Variants in TOM1L2 observed in about 807,000 individuals in gnomAD.
TOM1L2 encodes the protein TOM1-like protein 2.
Under a neutral mutation model 67.9 loss-of-function variants are expected in TOM1L2, and 31 were observed. That is an observed-to-expected ratio of 0.46 (90% confidence interval 0.34 to 0.62). TOM1L2 has a LOEUF of 0.62. Ranked by LOEUF, TOM1L2 falls within the 20% of genes least tolerant of loss-of-function variation. The pLI is 0.01. For missense variants in TOM1L2, 606 were observed against 663.5 expected (o/e 0.91, Z 0.95); for synonymous variants, 256 against 254.0 (o/e 1.01, Z -0.07).
intron 1 of TOM1L2, among the ~76,000 whole-genome samples, chr17:17,935,456 G>C (rs1460064754): frequency 6.6e-6 from 1 of 152,178 alleles, no homozygotes; most frequent in Non-Finnish European, 1.5e-5. Context: ...GCAGAAAAGT[G>C]ACCTTCTCCA....
At chr17:17,955,647 G>A (rs1287520488) in intron 1 of TOM1L2, among the ~76,000 whole-genome samples, 1 of 152,096 alleles carries the variant, frequency 6.6e-6, no homozygotes, top group Non-Finnish European at 1.5e-5. Flanking sequence ...CCTCTTCTTT[G>A]TTGTTTTTTA....
intron 1 of TOM1L2, among the ~76,000 whole-genome samples, chr17:17,939,595 A>G (rs1160897415): frequency 6.6e-6 from 1 of 152,200 alleles, no homozygotes; most frequent in Non-Finnish European, 1.5e-5. Flanking sequence ...GACAAAATCT[A>G]ATAGGTCATG....
At chr17:17,856,779 C>A (rs958232551) in intron 12 of TOM1L2, among the ~76,000 whole-genome samples, 6 of 152,326 alleles carry the variant, frequency 3.9e-5, no homozygotes, top group African/African-American at 1.4e-4. Context: ...AGACATACAG[C>A]CTGAGATGAG....
At chr17:17,916,897 C>T (rs1425339929) in intron 1 of TOM1L2, among the ~76,000 whole-genome samples, 1 of 152,190 alleles carries the variant, frequency 6.6e-6, no homozygotes, top group Non-Finnish European at 1.5e-5. Context: ...GTGGCTCACA[C>T]CTGTAATCCC....
chr17:17,961,735 G>A (rs1426295331), intron 1 of TOM1L2, among the ~76,000 whole-genome samples: 1 of 152,070 alleles, frequency 6.6e-6, no homozygotes, highest in African/African-American at 2.4e-5. Flanking sequence ...AGCCGGGCGT[G>A]GTGGCAGGCG....
At chr17:17,948,790 G>A (rs7214002) in intron 1 of TOM1L2, among the ~76,000 whole-genome samples, 28 of 151,772 alleles carry the variant, frequency 1.8e-4, no homozygotes, top group Non-Finnish European at 5.9e-5. Flanking sequence ...GCAAGGCAGG[G>A]GTCCTAGGAA....
At chr17:17,865,012 C>CAGA (rs950636397) in intron 10 of TOM1L2, among the ~76,000 whole-genome samples, 9 of 152,066 alleles carry the variant, frequency 5.9e-5, no homozygotes, top group African/African-American at 1.7e-4. Flanking sequence ...AAAAGCAAGA[C>CAGA]AGAGGAAAGA....
In TOM1L2 at chr17:17,844,446, G is replaced by T. The variant is rs1043832409; in HGVS notation, c.*3189C>A. The T allele has an allele frequency of 6.6e-6, 1 of 152,320 alleles. No individual in the cohort carries two copies. Among genetic ancestry groups the T allele is most frequent in the Non-Finnish European group, 1.5e-5 (1 of 68,090 alleles). The allele number at this position is 152,320 out of a possible 1,614,324, so 9.4% of individuals were successfully genotyped here. ...CAGGTGGCATGGTGGGGTGGTGGGG[G>T]AAGGCTAGTGAACCAAGGCACCATC... On this transcript the variant is annotated 3_prime_UTR_variant, in exon 15 of 15. Transcript: ENST00000379504.
intron 1 of TOM1L2, among the ~76,000 whole-genome samples, chr17:17,955,306 A>G (rs1350375202): frequency 2.2e-5 from 3 of 138,192 alleles, no homozygotes; most frequent in Non-Finnish European, 1.5e-5. Flanking sequence ...GAACGGCAGG[A>G]CCCCAGACCA....
At chr17:17,911,204 G>A (rs1394232910) in intron 1 of TOM1L2, among the ~76,000 whole-genome samples, 3 of 152,176 alleles carry the variant, frequency 2.0e-5, no homozygotes, top group Non-Finnish European at 2.9e-5. Flanking sequence ...TACCCCAGGC[G>A]AGAGAAAATG....
At chr17:17,873,097 T>C (rs1214497610) in intron 7 of TOM1L2, among the ~76,000 whole-genome samples, 4 of 152,236 alleles carry the variant, frequency 2.6e-5, no homozygotes, top group East Asian at 1.9e-4. Flanking sequence ...TCCTGAGAAG[T>C]TGGCCATCTG....
At chr17:17,879,414 ATGT>A (rs1483565182) in intron 7 of TOM1L2, among the ~76,000 whole-genome samples, 1 of 151,668 alleles carries the variant, frequency 6.6e-6, no homozygotes, top group Non-Finnish European at 1.5e-5. Flanking sequence ...CAGGAAAAAA[ATGT>A]TATTAAGGAA....
intron 1 of TOM1L2, among the ~76,000 whole-genome samples, chr17:17,968,624 C>T (rs1288858599): frequency 6.6e-6 from 1 of 150,772 alleles, no homozygotes; most frequent in South Asian, 2.1e-4. Context: ...TAGATCGTGC[C>T]ACTGCACTCC....
rs918512304 is a variant in TOM1L2 at position 17,845,342 on chromosome 17, C to G, written c.*2293G>C. 13 of 152,424 alleles carry G rather than the reference C, an allele frequency of 8.5e-5. No individual in the cohort carries two copies. Among genetic ancestry groups the G allele is most frequent in the African/African-American group, 2.9e-4 (12 of 41,598 alleles). 9.4% of individuals were successfully genotyped at this position (152,424 alleles called of 1,614,324 possible). A position where few individuals can be genotyped will look rare whatever the true frequency, so the allele number is the denominator to read the frequency against. ...GGCCTCTCCAATGATGCCTGGCAAC[C>G]AGCTGGCGCTGGCGCTGGAGCTGGA... On this transcript the variant is annotated 3_prime_UTR_variant, in exon 15 of 15. Transcript: ENST00000379504.
intron 4 of TOM1L2, among the ~76,000 whole-genome samples, chr17:17,887,769 G>A (rs1008916653): frequency 2.6e-5 from 4 of 152,110 alleles, no homozygotes; most frequent in Admixed American, 6.5e-5. Flanking sequence ...AGCCAACTGC[G>A]CCCAGCCCAG....
intron 1 of TOM1L2, among the ~76,000 whole-genome samples, chr17:17,956,813 C>T (rs2041476926): frequency 6.6e-6 from 1 of 152,228 alleles, no homozygotes; most frequent in Non-Finnish European, 1.5e-5. Flanking sequence ...CGCTGGCCCG[C>T]AAGCGCCACG....
At position 17,869,448 on chromosome 17, in the gene TOM1L2, A is replaced by G; in HGVS notation, c.803T>C (p.Met268Thr). Residue 268 changes from methionine (M) to threonine (T), a missense_variant, in exon 8 of 15, where the codon ATG becomes ACG. By Grantham distance (81) the Met-to-Thr change is moderately conservative (BLOSUM62 -1). Coordinates refer to ENST00000379504, the MANE Select transcript of TOM1L2 (RefSeq NM_001082968.2). The stretch of plus-strand genomic sequence containing the variant: ...GATGAGCTCCACGATGCGCTGCTGC[A>G]TGGCCCGACAGGTCCTGTTGAGCTC... ...LQELNRTCRAMQQRIVELISR... is the reference protein window; with the variant it reads ...LQELNRTCRATQQRIVELISR... The G allele has an allele frequency of 1.2e-6, 2 of 1,611,952 alleles. No homozygotes were observed. Among genetic ancestry groups the G allele is most frequent in the Non-Finnish European group, 1.7e-6 (2 of 1,179,234 alleles).
chr17:17,968,586 A>G (rs1235039186), intron 1 of TOM1L2, among the ~76,000 whole-genome samples: 2 of 151,396 alleles, frequency 1.3e-5, no homozygotes, highest in Non-Finnish European at 2.9e-5. Flanking sequence ...AATCGCTTGA[A>G]CTTGTGGGGC....
At chr17:17,895,751 C>T (rs1055143012) in intron 3 of TOM1L2, among the ~76,000 whole-genome samples, 1 of 152,194 alleles carries the variant, frequency 6.6e-6, no homozygotes, top group Non-Finnish European at 1.5e-5. Context: ...GCTAAGAGTG[C>T]CTCAGATGAC....
Sources: gnomAD v4.1 joint callset for allele counts (sites outside exome capture counted in the v4.1 genomes callset) on GRCh38, gnomAD v4.1.1 for gene constraint, MANE v1.5 for transcripts, NCBI Gene and HGNC (gene_info 2026-07-23, HGNC 2026-07-21) for gene names.